The following MMP28 variants were observed in gnomAD, a reference collection of about 807,000 sequenced individuals.
MMP28 encodes the protein matrix metallopeptidase 28, also known as matrix metalloproteinase-28.
In MMP28, 55 loss-of-function variants were observed where a neutral mutation model predicts 60.5. That is an observed-to-expected ratio of 0.91 (90% CI 0.73 to 1.14). The LOEUF is 1.14. Ranked by LOEUF, MMP28 falls within the 50% of genes most tolerant of loss-of-function variation. MMP28 has a pLI of 0.00. For missense variants in MMP28, 686 were observed against 738.3 expected, an observed-to-expected ratio of 0.93 and a Z score of 0.82; for synonymous variants, 318 against 312.5, an observed-to-expected ratio of 1.02 and a Z score of -0.18.
intron 3 of MMP28, among the ~76,000 whole-genome samples, chr17:35,775,775 A>G (rs1475314639): frequency 6.6e-6 from 1 of 152,222 alleles, no homozygotes; most frequent in Non-Finnish European, 1.5e-5. Flanking sequence ...CACCCCGGAT[A>G]CACCCTGGTG....
rs540421800 is a variant in MMP28, at chr17:35,766,511, C to T, written c.1552G>A (p.Ala518Thr). The T allele has an allele frequency of 2.5e-4, 397 of 1,591,288 alleles. 1 individual carries two copies. The highest frequency in any genetic ancestry group is 3.3e-4 in the Non-Finnish European group (387 of 1,168,786). ...MGCWHANSGS[A>T]LF ...GTGAGGAGGTGCCTTCAGAACAGGG[C>T]GCTCCCCGAGTTGGCATGCCAGCAG... is the stretch of plus-strand genomic sequence containing the variant. The change falls in exon 8 of 8, where the codon GCC becomes ACC. Residue 518 changes from alanine (A) to threonine (T), a missense_variant. Ala to Thr is a moderately conservative substitution (Grantham distance 58). Transcript: ENST00000605424. This position sits in a 1 kb window ranked among gnomAD's most constrained non-coding sequence, Gnocchi z 4.3.
chr17:35,781,586 A>C (rs2086504514), intron 1 of MMP28, among the ~76,000 whole-genome samples: 1 of 152,146 alleles, frequency 6.6e-6, no homozygotes, highest in Non-Finnish European at 1.5e-5. Flanking sequence ...AAGTGTGACT[A>C]TTATTCTCAC....
downstream of MMP28, chr17:35,764,865 A>T: frequency 2.8e-6 from 1 of 354,848 alleles, no homozygotes; most frequent in Non-Finnish European, 5.0e-6. Flanking sequence ...GCGCCCACCG[A>T]GGGCTCCCCG....
At chr17:35,784,407 T>G (rs2086591251) in intron 1 of MMP28, among the ~76,000 whole-genome samples, 1 of 152,208 alleles carries the variant, frequency 6.6e-6, no homozygotes, top group Non-Finnish European at 1.5e-5. Flanking sequence ...AAGGGGCTCC[T>G]TAATGCTGTC....
chr17:35,769,203 T>C (rs79816187), intron 5 of MMP28, among the ~76,000 whole-genome samples: 39 of 152,282 alleles, frequency 2.6e-4, no homozygotes, highest in Non-Finnish European at 4.4e-4. Context: ...TCTTGATCTG[T>C]GGACAAAAAG....
At chr17:35,771,740 TATATATATATATATAA>T (rs1439045341) in intron 4 of MMP28, among the ~76,000 whole-genome samples, 9 of 94,030 alleles carry the variant, frequency 9.6e-5, no homozygotes, top group Admixed American at 3.4e-4. Flanking sequence ...TATATATATA[TATATATATATATATAA>T]AATTGTGTTC....
At chr17:35,772,028 T>C (rs551195891) in intron 4 of MMP28, among the ~76,000 whole-genome samples, 1 of 152,070 alleles carries the variant, frequency 6.6e-6, no homozygotes, top group South Asian at 2.1e-4. Context: ...TTTGCCTTCT[T>C]GGACCCCAGG....
chr17:35,769,965 G>A, intron 5 of MMP28, 102 bp downstream of exon 5: 1 of 1,401,156 alleles, frequency 7.1e-7, no homozygotes, highest in South Asian at 1.5e-5. Flanking sequence ...CCAGATCTAT[G>A]AGCTTAGGAT....
At chr17:35,774,401 C>A in intron 3 of MMP28, among the ~76,000 whole-genome samples, 1 of 152,218 alleles carries the variant, frequency 6.6e-6, no homozygotes, top group Non-Finnish European at 1.5e-5. Flanking sequence ...GACCCCAGGA[C>A]AAGGGGCCTG....
In MMP28 at chr17:35,795,458, C is replaced by T. The variant is rs2086945138; in HGVS notation, c.-81G>A. ...CGGCAGTCAGCCGCGCCCGGGACCC[C>T]GGGGATGGGACTGCTCTGCGCCGCC... On this transcript the variant is annotated 5_prime_UTR_variant, in exon 1 of 8. Transcript: ENST00000605424. 9.4e-7 allele frequency: 1 copy of T among 1,066,586 alleles called. No homozygotes were observed. Among genetic ancestry groups the T allele is most frequent in the Non-Finnish European group, 1.2e-6 (1 of 800,848 alleles). 66.1% of individuals were successfully genotyped at this position (1,066,586 alleles called of 1,614,324 possible). A position where few individuals can be genotyped will look rare whatever the true frequency, so the allele number is the denominator to read the frequency against.
intron 1 of MMP28, among the ~76,000 whole-genome samples, chr17:35,783,760 C>T (rs953728527): frequency 2.0e-5 from 3 of 149,274 alleles, no homozygotes; most frequent in African/African-American, 2.5e-5. Flanking sequence ...GCAGGCAAGA[C>T]GGGGTGGAGG....
At chr17:35,777,762 C>T (rs959947290) in intron 3 of MMP28, among the ~76,000 whole-genome samples, 1 of 152,232 alleles carries the variant, frequency 6.6e-6, no homozygotes, top group African/African-American at 2.4e-5. Context: ...ATATTATGCA[C>T]GGTAGGCCAG....
In MMP28 at chr17:35,795,515, G is replaced by C; in HGVS notation, c.-138C>G. ...CGGAGAGGGACTGTCCCGGGGTTTCGCCAGTGCCCTAGCTGCGCGCTCTGG... is the reference window on the plus strand; with the variant it reads ...CGGAGAGGGACTGTCCCGGGGTTTCCCCAGTGCCCTAGCTGCGCGCTCTGG... On this transcript the variant is annotated 5_prime_UTR_variant, in exon 1 of 8. Transcript: ENST00000605424. 1.9e-6 allele frequency: 1 copy of C among 538,842 alleles called. No individual in the cohort carries two copies. The allele number at this position is 538,842 out of a possible 1,614,324, so 33.4% of individuals were successfully genotyped here.
downstream of MMP28, chr17:35,763,938 A>AAATAAATAAATAAATAAATAAATG (rs1568121389): frequency 1.9e-6 from 2 of 1,077,422 alleles, no homozygotes; most frequent in Non-Finnish European, 2.4e-6. Context: ...ATAAATAAAT[A>AAATAAATAAATAAATAAATAAATG]CATGAAAAAT....
intron 3 of MMP28, among the ~76,000 whole-genome samples, chr17:35,775,455 AG>A (rs1386729142): frequency 2.6e-5 from 4 of 152,210 alleles, no homozygotes; most frequent in Non-Finnish European, 5.9e-5. Context: ...TCAAAAAGGA[AG>A]GGGGAAGGAA....
chr17:35,764,475 C>T (rs587655331), downstream of MMP28: 4 of 1,566,650 alleles, frequency 2.6e-6, no homozygotes, highest in African/African-American at 4.1e-5. Context: ...CCGGCGACGA[C>T]CGCCGCGCCG....
At chr17:35,787,125 G>T (rs1387954459) in intron 1 of MMP28, among the ~76,000 whole-genome samples, 1 of 152,162 alleles carries the variant, frequency 6.6e-6, no homozygotes, top group African/African-American at 2.4e-5. Flanking sequence ...GGTGTTTCTG[G>T]CTGGATTTCT....
chr17:35,786,699 C>CT (rs2086657491), intron 1 of MMP28, among the ~76,000 whole-genome samples: 1 of 71,068 alleles, frequency 1.4e-5, no homozygotes, highest in Non-Finnish European at 2.8e-5. Context: ...CCTGTCTCTA[C>CT]AAAAAAAAAA....
At chr17:35,780,072 A>T (rs559247628) in intron 1 of MMP28, among the ~76,000 whole-genome samples, 99 of 151,800 alleles carry the variant, frequency 6.5e-4, no homozygotes, top group African/African-American at 1.9e-3. Flanking sequence ...TATTTATTTT[A>T]TTTATTTTTT....
Sources: allele counts gnomAD v4.1 joint callset (sites outside exome capture counted in the v4.1 genomes callset), GRCh38; gene constraint gnomAD v4.1.1; non-coding constraint Gnocchi (gnomAD v3.1); transcripts MANE v1.5; gene names NCBI Gene and HGNC (gene_info 2026-07-23, HGNC 2026-07-21).